Variants in RP1L1 observed in about 807,000 individuals in gnomAD.
RP1L1 encodes the protein retinitis pigmentosa 1-like 1 protein.
In RP1L1, 27 loss-of-function variants were observed where a neutral mutation model predicts 15.7. The observed-to-expected ratio is 1.72, with a 90% CI of 1.27 to 2.38. The LOEUF (loss-of-function observed/expected upper bound fraction) is 2.38. RP1L1 is among the 30% of genes most tolerant of loss of function. RP1L1 has a pLI of 0.00. For synonymous variants in RP1L1, 1,813 were observed against 1,276.7 expected (o/e 1.42, Z -8.96); for missense variants, 4,798 against 3,075.9 (o/e 1.56, Z -13.24).
Position 10,612,933 on chromosome 8 carries a change from C to G in RP1L1, c.1165G>C (p.Val389Leu). 1 of 1,612,432 alleles carries G rather than the reference C, an allele frequency of 6.2e-7. No homozygotes were observed. The highest frequency in any genetic ancestry group is 1.1e-5 in the South Asian group (1 of 91,030). The change falls in exon 4 of 4, where the codon GTG becomes CTG. Residue 389 changes from valine to leucine, a missense_variant. Coordinates refer to ENST00000382483, the MANE Select transcript of RP1L1 (RefSeq NM_178857.6). ...PGVWGPRPCR[V>L]GCREVFGRGG... ...CGGCCAAAGACTTCCCTGCATCCCA[C>G]CCTGCAGGGCCGGGGTCCCCACACC... is the stretch of plus-strand genomic sequence containing the variant.
intron 1 of RP1L1, among the ~76,000 whole-genome samples, chr8:10,631,397 G>T (rs13248231): frequency 0.045 from 5,491 of 122,746 alleles, 392 homozygotes; most frequent in African/African-American, 0.15. Context: ...GCACACACAC[G>T]CACACACACG....
At chr8:10,632,190 C>G (rs1410226074) in intron 1 of RP1L1, among the ~76,000 whole-genome samples, 1 of 152,122 alleles carries the variant, frequency 6.6e-6, no homozygotes, top group Non-Finnish European at 1.5e-5. Flanking sequence ...CAACGGGAAG[C>G]AACCAGGGGC....
In RP1L1 at chr8:10,611,634, G is replaced by A. The variant is rs755599243; in HGVS notation, c.2464C>T (p.Arg822Ter). 2.2e-5 allele frequency: 36 copies of A among 1,612,742 alleles called. No homozygotes were observed. The highest frequency in any genetic ancestry group is 6.7e-5 in the Admixed American group (4 of 59,998). The stretch of plus-strand genomic sequence containing the variant: ...CCAGGCTGTGAGCAGCAGTGGCTTC[G>A]GTGGGGGCCCACCGCCCCTTGCTCA... Reference protein sequence around the residue: ...RPEQGAVGPHRSHCCSQPGTQ... With the variant: ...RPEQGAVGPH The change falls in exon 4 of 4, where the codon CGA becomes TGA. Residue 822 changes from arginine to a stop codon, truncating the protein, a stop_gained. Coordinates refer to ENST00000382483, the MANE Select transcript of RP1L1 (RefSeq NM_178857.6). LOFTEE classifies it low-confidence loss of function (END_TRUNC).
At chr8:10,646,144 A>G (rs1260593306) in intron 1 of RP1L1, among the ~76,000 whole-genome samples, 1 of 152,224 alleles carries the variant, frequency 6.6e-6, no homozygotes, top group Non-Finnish European at 1.5e-5. Context: ...CAGGACCTGC[A>G]GGAGGGCATC....
intron 1 of RP1L1, among the ~76,000 whole-genome samples, chr8:10,637,175 T>C (rs927542202): frequency 6.6e-6 from 1 of 152,098 alleles, no homozygotes; most frequent in African/African-American, 2.4e-5. Context: ...GGACTCAAAC[T>C]CAATGCTCAC....
Position 10,609,355 on chromosome 8 carries a change from G to A in RP1L1, c.4743C>T (p.Gly1581=), listed in dbSNP as rs927367968. 3.7e-6 allele frequency: 6 copies of A among 1,612,268 alleles called. No individual in the cohort carries two copies. In the African/African-American group the frequency reaches 6.7e-5, roughly 18 times the overall value. ...GCTCCAGCACCATCCTACCCGCCCG[G>A]CCCTGGAGCTTCTGGAGCTCTCTCT... ...STKRELQKLQ[G]RAGRMVLEPP... The change falls in exon 4 of 4, where the codon GGC becomes GGT. Residue 1581 remains glycine, a synonymous_variant. Transcript: ENST00000382483.
intron 2 of RP1L1, among the ~76,000 whole-genome samples, chr8:10,619,657 T>G (rs550525704): frequency 6.6e-6 from 1 of 152,212 alleles, no homozygotes; most frequent in Admixed American, 6.5e-5. Context: ...CTGGGCACAG[T>G]GGCTCACACC....
At chr8:10,653,299 C>A (rs1427086560) in intron 1 of RP1L1, among the ~76,000 whole-genome samples, 1 of 152,116 alleles carries the variant, frequency 6.6e-6, no homozygotes, top group African/African-American at 2.4e-5. Context: ...GGCCATCGAG[C>A]TGGAAAGAAC....
At chr8:10,629,806 C>T (rs1030476130) in intron 1 of RP1L1, among the ~76,000 whole-genome samples, 2 of 152,128 alleles carry the variant, frequency 1.3e-5, no homozygotes, top group Admixed American at 6.5e-5. Context: ...CAAGATGCCT[C>T]ACAGTCAGAG....
In RP1L1 at chr8:10,610,569, A is replaced by G. The variant is rs1338370224; in HGVS notation, c.3529T>C (p.Trp1177Arg). 1.2e-6 allele frequency: 2 copies of G among 1,613,526 alleles called. No individual in the cohort carries two copies. The highest frequency in any genetic ancestry group is 1.7e-5 in the Admixed American group (1 of 60,010). ...CCAAGGTCTGGCAGAGCCTGGCTCC[A>G]TGTGAGCTCCCAGAGGCCTGAGTCC... is the stretch of plus-strand genomic sequence containing the variant. ...QLDSGLWELT[W>R]SQALPDLGSH... Residue 1177 changes from tryptophan (W) to arginine (R), a missense_variant, in exon 4 of 4, where the codon TGG (tryptophan) becomes CGG (arginine). Trp to Arg is a moderately radical substitution (Grantham distance 101). Transcript: ENST00000382483.
chr8:10,627,343 G>A (rs755331191), intron 1 of RP1L1, among the ~76,000 whole-genome samples: 48 of 152,308 alleles, frequency 3.2e-4, no homozygotes, highest in Admixed American at 4.6e-4. Flanking sequence ...CAACATGGAT[G>A]AACCTTGAAG....
chr8:10,612,108 G>A lies in RP1L1; in HGVS notation c.1990C>T (p.His664Tyr), dbSNP rs1269525407. Residue 664 changes from histidine (H) to tyrosine (Y), a missense_variant, in exon 4 of 4, where the codon CAT becomes TAT. His to Tyr is a moderately conservative substitution (Grantham distance 83). Coordinates refer to ENST00000382483, the MANE Select transcript of RP1L1 (RefSeq NM_178857.6). ...PGLGRVAPRG[H>Y]PRHSHYRKDT... ...TTGCGGTAGTGAGAATGCCTGGGAT[G>A]GCCTCTCGGGGCCACTCGGCCAAGG... 6.2e-7 allele frequency: 1 copy of A among 1,613,778 alleles called. No individual in the cohort carries two copies. Among genetic ancestry groups the A allele is most frequent in the South Asian group, 1.1e-5 (1 of 91,082 alleles).
rs202213014 is a variant in RP1L1, at chr8:10,607,051, A to G, written c.7047T>C (p.Thr2349=). ...KATRMYPESS[T]SEQEEAPLGS... ...CCAAAGGGGCCTCTTCTTGCTCAGA[A>G]GTAGAACTTTCTGGGTACATCCTGG... The change falls in exon 4 of 4, where the codon ACT becomes ACC. Residue 2349 remains threonine, a synonymous_variant. Coordinates refer to ENST00000382483, the MANE Select transcript of RP1L1 (RefSeq NM_178857.6). 4,561 of 1,614,164 alleles carry G rather than the reference A, an allele frequency of 2.8e-3. 5 individuals are homozygous for G. Among genetic ancestry groups the G allele is most frequent in the Non-Finnish European group, 3.4e-3 (3,996 of 1,180,034 alleles).
chr8:10,621,215 G>C (rs552261335), intron 2 of RP1L1: 1 of 154,582 alleles, frequency 6.5e-6, no homozygotes, highest in African/African-American at 2.4e-5. Flanking sequence ...GTGATAATGC[G>C]ATTGTGGGGA....
At chr8:10,632,905 G>A (rs183514729) in intron 1 of RP1L1, among the ~76,000 whole-genome samples, 39 of 152,208 alleles carry the variant, frequency 2.6e-4, no homozygotes, top group African/African-American at 8.2e-4. Flanking sequence ...ATCCTTCAGC[G>A]CCATCCATGT....
At chr8:10,621,135 C>G (rs1470620556) in intron 2 of RP1L1, 3 of 152,440 alleles carry the variant, frequency 2.0e-5, no homozygotes, top group African/African-American at 7.2e-5. Context: ...TGGTGCTGGA[C>G]TACCTAAGTA....
At position 10,652,855 on chromosome 8, in the gene RP1L1, G is replaced by A. The variant is rs797018356; in HGVS notation, c.-20+2043C>T. Reference sequence around the variant, plus strand: ...ACTTTTGTAACTATCACAGTGCCTAGTGGAGCTCTGAACAGAGCAGGTGCC... The same window carrying A: ...ACTTTTGTAACTATCACAGTGCCTAATGGAGCTCTGAACAGAGCAGGTGCC... On this transcript the variant is annotated intron_variant, in intron 1 of 3. Coordinates refer to ENST00000382483, the MANE Select transcript of RP1L1 (RefSeq NM_178857.6). Among the ~76,000 whole-genome samples the A allele has an allele frequency of 3.3e-5, 5 of 152,240 alleles. 1 individual carries two copies. Among genetic ancestry groups the A allele is most frequent in the African/African-American group, 1.2e-4 (5 of 41,548 alleles).
At position 10,617,546 on chromosome 8, in the gene RP1L1, C is replaced by CTGTT. The variant is rs1554453571; in HGVS notation, c.610-960_610-959insAACA. 6.1e-4 allele frequency among the ~76,000 whole-genome samples: 39 copies of CTGTT among 63,418 alleles called. 1 individual carries two copies. Among genetic ancestry groups the CTGTT allele is most frequent in the African/African-American group, 2.4e-3 (38 of 16,120 alleles). 41.6% of individuals were successfully genotyped at this position (63,418 alleles called of 152,430 possible). ...TTTTTGTTTTTTTCTGTTTCTTTTTCTTTTTTTTTTTTTTTTTTTTTTTTT... is the reference window on the plus strand; with the variant it reads ...TTTTTGTTTTTTTCTGTTTCTTTTTCTGTTTTTTTTTTTTTTTTTTTTTTTTTTT... On this transcript the variant is annotated intron_variant, in intron 2 of 3. Transcript: ENST00000382483.
At position 10,633,647 on chromosome 8, in the gene RP1L1, A is replaced by G. The variant is rs188611357; in HGVS notation, c.-19-10427T>C. Among the ~76,000 whole-genome samples, 323 of 152,186 alleles carry G rather than the reference A, an allele frequency of 2.1e-3. 2 individuals are homozygous for G. The highest frequency in any genetic ancestry group is 2.8e-3 in the Non-Finnish European group (188 of 68,020). ...GAACAACTGCTGTTCTGTGGTCATC[A>G]TTTGAGTCCACCATCCACCCAGAGC... On this transcript the variant is annotated intron_variant, in intron 1 of 3. Coordinates refer to ENST00000382483, the MANE Select transcript of RP1L1 (RefSeq NM_178857.6).
Sources: gnomAD v4.1 joint callset for allele counts (sites outside exome capture counted in the v4.1 genomes callset) on GRCh38, gnomAD v4.1.1 for gene constraint, MANE v1.5 for transcripts, NCBI Gene and HGNC (gene_info 2026-07-23, HGNC 2026-07-21) for gene names.